The following PTPRG variants were observed in gnomAD, a reference collection of about 807,000 sequenced individuals.
The protein encoded by PTPRG is protein tyrosine phosphatase receptor type G.
Under a neutral mutation model 165.3 loss-of-function variants are expected in PTPRG, and 102 were observed. The observed-to-expected ratio is 0.62, with a 90% confidence interval of 0.53 to 0.73. The LOEUF (loss-of-function observed/expected upper bound fraction) is 0.73, where lower values mean the gene tolerates loss of function less well. PTPRG is among the 30% of genes least tolerant of loss of function. PTPRG has a pLI of 0.00. For synonymous variants in PTPRG, 675 were observed against 669.5 expected (o/e 1.01, Z -0.13); for missense variants, 1,866 against 1,861.4 (o/e 1.00, Z -0.05).
At chr3:62,098,138 A>T (rs1405617012) in intron 5 of PTPRG, among the ~76,000 whole-genome samples, 4 of 152,200 alleles carry the variant, frequency 2.6e-5, no homozygotes, top group Non-Finnish European at 5.9e-5. Flanking sequence ...TTGACAATTT[A>T]TCAAGTGCCT....
At chr3:62,027,087 C>G (rs998151089) in intron 4 of PTPRG, among the ~76,000 whole-genome samples, 7 of 150,660 alleles carry the variant, frequency 4.6e-5, no homozygotes, top group Non-Finnish European at 1.0e-4. Context: ...AAATTCTCTC[C>G]CCGTGCCCTG....
intron 1 of PTPRG, among the ~76,000 whole-genome samples, chr3:61,672,733 G>GGGGAGAGGGAGA (rs150569166): frequency 1.7e-5 from 2 of 118,862 alleles, no homozygotes; most frequent in African/African-American, 7.1e-5. Flanking sequence ...GGGAGACTGT[G>GGGGAGAGGGAGA]GGGAGAGGGA....
At chr3:61,933,356 C>T (rs1231637055) in intron 2 of PTPRG, among the ~76,000 whole-genome samples, 3 of 152,058 alleles carry the variant, frequency 2.0e-5, no homozygotes, top group Admixed American at 6.5e-5. Flanking sequence ...ATTAATTGTA[C>T]TGGGTACCTG....
At chr3:62,201,289 G>A (rs1020893875) in intron 10 of PTPRG, among the ~76,000 whole-genome samples, 1 of 152,156 alleles carries the variant, frequency 6.6e-6, no homozygotes, top group Non-Finnish European at 1.5e-5. Context: ...GGGTCAGCAC[G>A]CTACTACCCA....
At chr3:61,691,070 A>G (rs890446120) in intron 1 of PTPRG, among the ~76,000 whole-genome samples, 1 of 152,004 alleles carries the variant, frequency 6.6e-6, no homozygotes, top group Non-Finnish European at 1.5e-5. Context: ...GTGTAAGTCT[A>G]TGTATATATG....
intron 6 of PTPRG, among the ~76,000 whole-genome samples, chr3:62,154,119 C>T (rs1461399389): frequency 3.9e-5 from 6 of 152,204 alleles, no homozygotes; most frequent in Non-Finnish European, 5.9e-5. Flanking sequence ...ATCCCCTACT[C>T]GGCTTCAGCC....
chr3:62,297,216 C>T lies in PTPRG; in HGVS notation c.*3909C>T, dbSNP rs773773351. 3.3e-5 allele frequency: 5 copies of T among 151,746 alleles called. No homozygotes were observed. The highest frequency in any genetic ancestry group is 2.1e-4 in the South Asian group (1 of 4,820). 9.4% of individuals were successfully genotyped at this position (151,746 alleles called of 1,614,324 possible). A position where few individuals can be genotyped will look rare whatever the true frequency, so the allele number is the denominator to read the frequency against. On this transcript the variant is annotated 3_prime_UTR_variant, in exon 30 of 30. Transcript: ENST00000474889. ...GCTAATTTTTTTCTAGTTTCAACTCCGTCATAGTTTTTTTTCCTTTTTGTG... is the reference window on the plus strand; with the variant it reads ...GCTAATTTTTTTCTAGTTTCAACTCTGTCATAGTTTTTTTTCCTTTTTGTG...
chr3:62,159,539 T>C (rs1033069384), intron 7 of PTPRG, among the ~76,000 whole-genome samples: 10 of 152,184 alleles, frequency 6.6e-5, no homozygotes, highest in Non-Finnish European at 1.5e-4. Flanking sequence ...GTTTGTCTTT[T>C]AGAAGCATTT....
chr3:61,866,136 G>A (rs1294313596), intron 2 of PTPRG, among the ~76,000 whole-genome samples: 1 of 152,182 alleles, frequency 6.6e-6, no homozygotes, highest in Admixed American at 6.5e-5. Context: ...AAGTCATGCA[G>A]CACCGGTCCT....
chr3:62,075,573 A>G (rs141637544), intron 4 of PTPRG, among the ~76,000 whole-genome samples: 2 of 152,208 alleles, frequency 1.3e-5, no homozygotes, highest in Non-Finnish European at 2.9e-5. Flanking sequence ...AAAGAAAACT[A>G]CCCATCCTTC....
At chr3:61,976,231 C>T (rs1192417793) in intron 2 of PTPRG, among the ~76,000 whole-genome samples, 2 of 152,166 alleles carry the variant, frequency 1.3e-5, no homozygotes, top group Non-Finnish European at 2.9e-5. Context: ...CTAGATAATG[C>T]ACTACTGTAA....
At chr3:61,630,275 G>A (rs1406852962) in intron 1 of PTPRG, among the ~76,000 whole-genome samples, 1 of 152,250 alleles carries the variant, frequency 6.6e-6, no homozygotes, top group Non-Finnish European at 1.5e-5. Flanking sequence ...AGTTAAAGGT[G>A]TTGTCATGAA....
At chr3:61,766,175 C>T (rs772402993) in intron 2 of PTPRG, among the ~76,000 whole-genome samples, 3 of 152,136 alleles carry the variant, frequency 2.0e-5, no homozygotes, top group African/African-American at 7.2e-5. Flanking sequence ...TAATATCATA[C>T]CAAAAGTATT....
intron 1 of PTPRG, among the ~76,000 whole-genome samples, chr3:61,610,767 C>CTCCT (rs1300222156): frequency 1.5e-5 from 2 of 131,364 alleles, no homozygotes; most frequent in South Asian, 2.5e-4. Flanking sequence ...CCCTCCCTCC[C>CTCCT]TCCCTACCTC....
intron 4 of PTPRG, among the ~76,000 whole-genome samples, chr3:62,032,734 A>T (rs1304923731): frequency 1.3e-5 from 2 of 152,226 alleles, no homozygotes; most frequent in African/African-American, 2.4e-5. Flanking sequence ...TTCAGGAGTG[A>T]CATGTAGCTT....
chr3:61,858,474 A>G (rs544594078), intron 2 of PTPRG, among the ~76,000 whole-genome samples: 1 of 152,322 alleles, frequency 6.6e-6, no homozygotes, highest in South Asian at 2.1e-4. Context: ...TGCAATCAAT[A>G]TAGTATTTAT....
chr3:62,146,877 T>G (rs998981204), intron 6 of PTPRG, among the ~76,000 whole-genome samples: 1 of 152,234 alleles, frequency 6.6e-6, no homozygotes, highest in Admixed American at 6.5e-5. Flanking sequence ...TACCATAGTT[T>G]GCCCACTTTT....
chr3:61,667,871 C>T (rs1702853530), intron 1 of PTPRG, among the ~76,000 whole-genome samples: 1 of 151,848 alleles, frequency 6.6e-6, no homozygotes, highest in Non-Finnish European at 1.5e-5. Flanking sequence ...ATCCACAAGA[C>T]CAGGGATTGG....
At chr3:61,665,758 T>G (rs768146935) in intron 1 of PTPRG, among the ~76,000 whole-genome samples, 4 of 152,002 alleles carry the variant, frequency 2.6e-5, no homozygotes, top group Non-Finnish European at 5.9e-5. Context: ...AGCCCAGGAG[T>G]TTGAGGTTGC....
Sources: gnomAD v4.1 joint callset for allele counts (sites outside exome capture counted in the v4.1 genomes callset) on GRCh38, gnomAD v4.1.1 for gene constraint, MANE v1.5 for transcripts, NCBI Gene and HGNC (gene_info 2026-07-23, HGNC 2026-07-21) for gene names.